Variants in RANBP2 observed in about 807,000 individuals in gnomAD.
RANBP2 encodes the protein RAN binding protein 2.
In RANBP2, 57 loss-of-function variants were observed where a neutral mutation model predicts 303.6. The ratio of observed to expected loss-of-function variants is 0.19; its 90% confidence interval spans 0.15 to 0.23. The LOEUF is 0.23. Ranked by LOEUF, RANBP2 falls within the 10% of genes least tolerant of loss-of-function variation. RANBP2 has a pLI of 1.00. For missense variants in RANBP2, 3,138 were observed against 3,780.8 expected, an observed-to-expected ratio of 0.83 and a Z score of 4.46; for synonymous variants, 1,167 against 1,301.5, an observed-to-expected ratio of 0.90 and a Z score of 2.23.
the RANBP2 span, among the ~76,000 whole-genome samples, chr2:109,743,921 C>A: frequency 5.3e-5 from 5 of 93,658 alleles, 1 homozygote; most frequent in African/African-American, 1.5e-4. Context: ...TGATGGACTG[C>A]AGCTGCATCC....
the RANBP2 span, chr2:109,614,290 C>T: frequency 3.5e-6 from 2 of 578,074 alleles, no homozygotes; most frequent in South Asian, 9.0e-5. Context: ...GTGGCGTGGG[C>T]GCGGGGCGGG....
At chr2:109,484,116 T>G in the RANBP2 span, among the ~76,000 whole-genome samples, 7 of 150,780 alleles carry the variant, frequency 4.6e-5, no homozygotes, top group African/African-American at 1.7e-4. Flanking sequence ...TCTCCTAGGC[T>G]GGAGTGCAGT....
chr2:108,791,495 T>C, the RANBP2 span: 2 of 662,262 alleles, frequency 3.0e-6, no homozygotes, highest in Non-Finnish European at 5.4e-6. Context: ...TAGTGGGTTA[T>C]CAATGATCAG....
chr2:109,319,459 G>A, the RANBP2 span, among the ~76,000 whole-genome samples: 1 of 152,098 alleles, frequency 6.6e-6, no homozygotes, highest in Non-Finnish European at 1.5e-5. Context: ...CAAGTGATTC[G>A]TTTTCTTACT....
chr2:109,161,293 G>T, the RANBP2 span, among the ~76,000 whole-genome samples: 3 of 152,278 alleles, frequency 2.0e-5, no homozygotes, highest in Non-Finnish European at 4.4e-5. Context: ...TACAGAGTTA[G>T]GAGTGTGTAG....
At chr2:109,760,679 G>A in the RANBP2 span, among the ~76,000 whole-genome samples, 1 of 145,522 alleles carries the variant, frequency 6.9e-6, no homozygotes, top group Non-Finnish European at 1.5e-5. Flanking sequence ...CTTCGGCGGC[G>A]GCGGCGGTAG....
At chr2:109,087,377 C>T in the RANBP2 span, among the ~76,000 whole-genome samples, 1 of 152,176 alleles carries the variant, frequency 6.6e-6, no homozygotes, top group African/African-American at 2.4e-5. Flanking sequence ...CTCCTGGCCC[C>T]TCCTCTCATT....
chr2:109,476,903 C>T, the RANBP2 span, among the ~76,000 whole-genome samples: 1 of 152,124 alleles, frequency 6.6e-6, no homozygotes, highest in Non-Finnish European at 1.5e-5. Context: ...ATTGTCATGG[C>T]GCTAATGGGA....
the RANBP2 span, among the ~76,000 whole-genome samples, chr2:109,473,974 C>T: frequency 6.6e-6 from 1 of 152,150 alleles, no homozygotes; most frequent in East Asian, 1.9e-4. Context: ...AGACTCTGTC[C>T]TGGAAGGTGC....
At chr2:109,404,232 C>T in the RANBP2 span, among the ~76,000 whole-genome samples, 1 of 152,150 alleles carries the variant, frequency 6.6e-6, no homozygotes, top group African/African-American at 2.4e-5. Context: ...CTGAAATATC[C>T]ACTGTCAAGC....
At chr2:108,818,035 G>A in the RANBP2 span, among the ~76,000 whole-genome samples, 1 of 152,186 alleles carries the variant, frequency 6.6e-6, no homozygotes, top group Non-Finnish European at 1.5e-5. Flanking sequence ...GCTGGGCACG[G>A]TGGCTCATAC....
chr2:109,295,203 C>G, the RANBP2 span, among the ~76,000 whole-genome samples: 1 of 152,240 alleles, frequency 6.6e-6, no homozygotes, highest in Non-Finnish European at 1.5e-5. Flanking sequence ...GATGAGCGAG[C>G]TCATGGCAGG....
At chr2:109,627,495 CA>C in the RANBP2 span, among the ~76,000 whole-genome samples, 1 of 152,042 alleles carries the variant, frequency 6.6e-6, no homozygotes, top group Non-Finnish European at 1.5e-5. Context: ...CCATGCCCTG[CA>C]AAAAACAATT....
the RANBP2 span, among the ~76,000 whole-genome samples, chr2:109,137,036 C>T: frequency 6.6e-6 from 1 of 152,184 alleles, no homozygotes. Context: ...ACTGGGGGCT[C>T]CAGGGACAGC....
chr2:109,030,794 C>T, the RANBP2 span, among the ~76,000 whole-genome samples: 15 of 152,118 alleles, frequency 9.9e-5, no homozygotes, highest in Admixed American at 9.8e-4. Context: ...CACTATGTTG[C>T]CCAGGCTGGT....
chr2:109,032,036 GT>G, the RANBP2 span, among the ~76,000 whole-genome samples: 2 of 151,810 alleles, frequency 1.3e-5, no homozygotes, highest in East Asian at 3.9e-4. Context: ...ACCCCCTACG[GT>G]TACGTAAACA....
At chr2:109,438,204 G>C in the RANBP2 span, among the ~76,000 whole-genome samples, 365 of 152,318 alleles carry the variant, frequency 2.4e-3, 2 homozygotes, top group African/African-American at 8.2e-3. Context: ...ATGGGACAAG[G>C]GGTGGGAGGT....
the RANBP2 span, among the ~76,000 whole-genome samples, chr2:109,606,936 G>A: frequency 6.6e-6 from 1 of 152,094 alleles, no homozygotes; most frequent in South Asian, 2.1e-4. Context: ...ACAGGCATGA[G>A]CCACCACGCC....
chr2:109,111,689 A>T, the RANBP2 span, among the ~76,000 whole-genome samples: 1 of 150,202 alleles, frequency 6.7e-6, no homozygotes. Context: ...TGTGCAGGTT[A>T]GTTACATATG....
Sources: allele counts gnomAD v4.1 joint callset (sites outside exome capture counted in the v4.1 genomes callset), GRCh38; gene constraint gnomAD v4.1.1; transcripts MANE v1.5; gene names NCBI Gene and HGNC (gene_info 2026-07-23, HGNC 2026-07-21).